PM20D1: variants seen among roughly 807,000 people sequenced by gnomAD.
PM20D1 encodes N-fatty-acyl-amino acid synthase/hydrolase PM20D1.
PM20D1 carries 53 observed loss-of-function variants against 53.8 expected under a neutral mutation model. The observed-to-expected ratio is 0.98, with a 90% CI of 0.79 to 1.24. PM20D1 has a LOEUF of 1.24. Among genes scored for constraint, PM20D1 ranks in the 50% most tolerant of loss-of-function variants. The pLI is 0.00. For missense variants in PM20D1, 564 were observed against 616.8 expected, an observed-to-expected ratio of 0.91 and a Z score of 0.91; for synonymous variants, 239 against 241.3, an observed-to-expected ratio of 0.99 and a Z score of 0.09.
intron 12 of PM20D1, among the ~76,000 whole-genome samples, chr1:205,829,426 G>C (rs1392925068): frequency 6.6e-6 from 1 of 152,198 alleles, no homozygotes; most frequent in Non-Finnish European, 1.5e-5. Context: ...AGGGCTAAGA[G>C]AGGGTAGGGA....
intron 5 of PM20D1, 82 bp from the exon 6 acceptor site, chr1:205,843,868 A>C: frequency 6.5e-7 from 1 of 1,547,512 alleles, no homozygotes. Context: ...CATCTGTGCA[A>C]TAGTCTAGTG....
At chr1:205,837,978 T>C (rs1656718432) in intron 10 of PM20D1, among the ~76,000 whole-genome samples, 1 of 152,060 alleles carries the variant, frequency 6.6e-6, no homozygotes, top group African/African-American at 2.4e-5. Flanking sequence ...AGGGCTCACA[T>C]TGGTCCTAAC....
At chr1:205,838,993 T>C (rs1021837683) in intron 10 of PM20D1, among the ~76,000 whole-genome samples, 5 of 152,166 alleles carry the variant, frequency 3.3e-5, no homozygotes, top group Admixed American at 6.5e-5. Flanking sequence ...TCTGTCTCCT[T>C]CTCTTCCAGC....
chr1:205,849,641 G>T lies in PM20D1; in HGVS notation c.169+263C>A, dbSNP rs1191688745. ...GCAAGCAGGGGAAAGAATGGACGGT[G>T]GTCACGCCAAGAGGGGTGAAGTTGG... On this transcript the variant is annotated intron_variant, in intron 1 of 12. Coordinates refer to ENST00000367136, the MANE Select transcript of PM20D1 (RefSeq NM_152491.5). 2.6e-5 allele frequency among the ~76,000 whole-genome samples: 4 copies of T among 152,166 alleles called. No individual in the cohort carries two copies. In the East Asian group the frequency reaches 5.8e-4, roughly 22 times the overall value.
At position 205,828,621 on chromosome 1, in the gene PM20D1, C is replaced by T; in HGVS notation, c.1508G>A (p.Ter503=). 1 of 1,614,158 alleles carries T rather than the reference C, an allele frequency of 6.2e-7. No individual in the cohort carries two copies. The highest frequency in any genetic ancestry group is 8.5e-7 in the Non-Finnish European group (1 of 1,180,010). Residue 503 remains the stop codon, a stop_retained_variant, in exon 13 of 13, where the codon TGA becomes TAA. Coordinates refer to ENST00000367136, the MANE Select transcript of PM20D1 (RefSeq NM_152491.5). ...QEPVSHLHKL[*] ...CCTAACCCAGCAGGCCCCTTGACCT[C>T]ACAGTTTGTGCAGGTGAGAAACTGG...
At chr1:205,848,413 C>G (rs1347911211) in intron 1 of PM20D1, among the ~76,000 whole-genome samples, 1 of 152,184 alleles carries the variant, frequency 6.6e-6, no homozygotes, top group South Asian at 2.1e-4. Flanking sequence ...ATCAATGAGG[C>G]TTGTGTGTTT....
chr1:205,849,208 C>T (rs1443331422), intron 1 of PM20D1, among the ~76,000 whole-genome samples: 1 of 152,196 alleles, frequency 6.6e-6, no homozygotes, highest in Admixed American at 6.5e-5. Context: ...AGAAGGATTT[C>T]ATCCCATAGG....
chr1:205,830,716 G>A (rs570561286), intron 11 of PM20D1, among the ~76,000 whole-genome samples: 9 of 149,604 alleles, frequency 6.0e-5, no homozygotes, highest in South Asian at 2.1e-4. Context: ...TCCCCATGAC[G>A]CCCAGGGTGG....
chr1:205,844,921 A>G (rs1656914132), intron 3 of PM20D1, 24 bp from the exon 4 acceptor site: 1 of 1,597,540 alleles, frequency 6.3e-7, no homozygotes, highest in Non-Finnish European at 8.6e-7. Flanking sequence ...GCACAATGGA[A>G]GAGGAAAAAG....
At chr1:205,837,686 C>T (rs572861274) in intron 10 of PM20D1, among the ~76,000 whole-genome samples, 7 of 152,022 alleles carry the variant, frequency 4.6e-5, no homozygotes, top group Non-Finnish European at 8.8e-5. Context: ...CACTGCGGCA[C>T]GTGGGCAGGA....
intron 1 of PM20D1, among the ~76,000 whole-genome samples, chr1:205,849,074 TCTATATCCAA>T (rs1657069151): frequency 6.6e-6 from 1 of 152,224 alleles, no homozygotes; most frequent in Admixed American, 6.5e-5. Context: ...ATATGAACAA[TCTATATCCAA>T]CTATTGGGGT....
intron 10 of PM20D1, among the ~76,000 whole-genome samples, chr1:205,839,484 T>C (rs1327318450): frequency 2.0e-5 from 3 of 152,162 alleles, no homozygotes; most frequent in Non-Finnish European, 4.4e-5. Context: ...ACCTCAATTT[T>C]CACCAGTTAA....
intron 10 of PM20D1, among the ~76,000 whole-genome samples, chr1:205,835,887 T>G (rs1032010579): frequency 1.3e-5 from 2 of 152,116 alleles, no homozygotes; most frequent in Admixed American, 6.5e-5. Flanking sequence ...CTGTTCTTTT[T>G]TTTTTTGAGA....
At chr1:205,845,006 GT>G in intron 3 of PM20D1, 109 bp from the exon 4 acceptor site, 1 of 905,582 alleles carries the variant, frequency 1.1e-6, no homozygotes, top group Non-Finnish European at 1.7e-6. Context: ...GGATGAGGAT[GT>G]GATAGATTCT....
rs572366251 is a variant in PM20D1, at chr1:205,844,166, C to T, written c.628G>A (p.Val210Ile). ...RISALLQSRG[V>I]QLAFIVDEGG... is the part of the protein sequence containing the mutation. Reference sequence around the variant, plus strand: ...TCGTCCACAATGAAGGCTAGCTGGACGCCCCTTGACTGTAGCAGGGCTGAG... The same window carrying T: ...TCGTCCACAATGAAGGCTAGCTGGATGCCCCTTGACTGTAGCAGGGCTGAG... The change falls in exon 5 of 13, where the codon GTC becomes ATC. Residue 210 changes from valine (V) to isoleucine (I), a missense_variant. Coordinates refer to ENST00000367136, the MANE Select transcript of PM20D1 (RefSeq NM_152491.5). 73 of 1,613,980 alleles carry T rather than the reference C, an allele frequency of 4.5e-5. No homozygotes were observed. The highest frequency in any genetic ancestry group is 1.5e-4 in the African/African-American group (11 of 75,036).
Position 205,828,735 on chromosome 1 carries a change from C to T in PM20D1, c.1394G>A (p.Gly465Glu). 2 of 1,614,008 alleles carry T rather than the reference C, an allele frequency of 1.2e-6. No individual in the cohort carries two copies. Among genetic ancestry groups the T allele is most frequent in the Non-Finnish European group, 1.7e-6 (2 of 1,179,922 alleles). The change falls in exon 13 of 13, where the codon GGA (glycine) becomes GAA (glutamate). Residue 465 changes from glycine to glutamate, a missense_variant. By Grantham distance (98) the Gly-to-Glu change is moderately conservative. Transcript: ENST00000367136. ...TTGGACTGAGATTTTCTCGTTGACT[C>T]CATGGATGCTGAGGAAAGTAAGGTG... is the stretch of plus-strand genomic sequence containing the variant. The part of the protein sequence containing the change: ...IQPEDFKRIH[G>E]VNEKISVQAY...
At chr1:205,841,940 G>A in intron 8 of PM20D1, 51 bp from the exon 9 acceptor site, 1 of 1,486,892 alleles carries the variant, frequency 6.7e-7, no homozygotes, top group South Asian at 1.2e-5. Context: ...ATGGGGTGAA[G>A]GAAAGGGCGG....
chr1:205,828,540 G>C lies in PM20D1; in HGVS notation c.*80C>G. On this transcript the variant is annotated 3_prime_UTR_variant, in exon 13 of 13. Transcript: ENST00000367136. ...TTTTACAATGTGGTTTTGATCAAAA[G>C]TTTCATCAACACTAGCTTTCCCCCT... is the stretch of plus-strand genomic sequence containing the variant. 6.4e-7 allele frequency: 1 copy of C among 1,561,274 alleles called. No homozygotes were observed. Among genetic ancestry groups the C allele is most frequent in the Non-Finnish European group, 8.7e-7 (1 of 1,150,554 alleles).
intron 6 of PM20D1, 23 bp from the exon 7 acceptor site, chr1:205,842,774 A>T: frequency 6.2e-7 from 1 of 1,611,668 alleles, no homozygotes; most frequent in Non-Finnish European, 8.5e-7. Context: ...CAGAGTCCTC[A>T]AGACTTAGCG....
Sources: gnomAD v4.1 joint callset for allele counts (sites outside exome capture counted in the v4.1 genomes callset) on GRCh38, gnomAD v4.1.1 for gene constraint, MANE v1.5 for transcripts, NCBI Gene and HGNC (gene_info 2026-07-23, HGNC 2026-07-21) for gene names.